The following IKBIP variants were observed in gnomAD, a reference collection of about 807,000 sequenced individuals.
The protein encoded by IKBIP is IKBKB interacting protein, also known as inhibitor of nuclear factor kappa-B kinase-interacting protein.
Under a neutral mutation model 31.0 loss-of-function variants are expected in IKBIP, and 28 were observed. The observed-to-expected ratio is 0.90, with a 90% CI of 0.67 to 1.24. The LOEUF is 1.24. Ranked by LOEUF, IKBIP falls within the 50% of genes most tolerant of loss-of-function variation. The pLI is 0.00. For synonymous variants in IKBIP, 164 were observed against 160.3 expected, an observed-to-expected ratio of 1.02 and a Z score of -0.17; for missense variants, 453 against 441.9, an observed-to-expected ratio of 1.03 and a Z score of -0.23.
chr12:98,617,586 G>A lies in IKBIP; in HGVS notation c.298-3246C>T, dbSNP rs528469943. Among the ~76,000 whole-genome samples, 15 of 152,262 alleles carry A rather than the reference G, an allele frequency of 9.9e-5. No individual in the cohort carries two copies. In the South Asian group the frequency reaches 2.5e-3, roughly 25 times the overall value. ...AATGAAGAAGGGAAAATTACATAGC[G>A]ATAAGATGGGTAGATCTCATAAACC... On this transcript the variant is annotated intron_variant, in intron 2 of 2. Coordinates refer to the IKBIP transcript ENST00000342502.
Position 98,625,098 on chromosome 12 carries a change from C to A in IKBIP, c.*832G>T, listed in dbSNP as rs879269361. The A allele has an allele frequency of 2.0e-4, 197 of 983,530 alleles. No homozygotes were observed. The Middle Eastern group carries it at 3.1e-3, about 15-fold the overall frequency. The allele number at this position is 983,530 out of a possible 1,614,324, so 60.9% of individuals were successfully genotyped here. The stretch of plus-strand genomic sequence containing the variant: ...GGATTACAGGTGTGAGCCACTGCGC[C>A]TGGCCTATTTAAGTAAACCATCTAG... On this transcript the variant is annotated 3_prime_UTR_variant, in exon 3 of 3. Coordinates refer to ENST00000299157, the MANE Select transcript of IKBIP (RefSeq NM_153687.4).
At chr12:98,641,359 G>A (rs1366615735) in intron 1 of IKBIP, among the ~76,000 whole-genome samples, 1 of 152,128 alleles carries the variant, frequency 6.6e-6, no homozygotes, top group Non-Finnish European at 1.5e-5. Flanking sequence ...TTGATAGACC[G>A]ACTTTTAGAT....
intron 2 of IKBIP, among the ~76,000 whole-genome samples, chr12:98,628,005 C>T (rs1183168765): frequency 6.6e-6 from 1 of 152,224 alleles, no homozygotes; most frequent in Non-Finnish European, 1.5e-5. Flanking sequence ...ACCTCCTAAT[C>T]TGTATCTGGA....
At chr12:98,616,507 A>G (rs534033398) in intron 2 of IKBIP, among the ~76,000 whole-genome samples, 23 of 152,080 alleles carry the variant, frequency 1.5e-4, no homozygotes, top group African/African-American at 4.8e-4. Flanking sequence ...ATATTTATCT[A>G]TTTTTGCTTT....
At chr12:98,639,813 C>T (rs1357428288) in intron 1 of IKBIP, among the ~76,000 whole-genome samples, 1 of 152,200 alleles carries the variant, frequency 6.6e-6, no homozygotes, top group Non-Finnish European at 1.5e-5. Flanking sequence ...AAAGAAGTTC[C>T]AGGGCCACTA....
At position 98,613,574 on chromosome 12, in the gene IKBIP, A is replaced by G. The variant is rs758238958; in HGVS notation, c.*11T>C. On this transcript the variant is annotated 3_prime_UTR_variant, in exon 3 of 3. Transcript: ENST00000342502. ...AAAAAATTACCTTAGTCTAATCTCAATAATGTCAAACTAATTCATATCTGA... is the reference window on the plus strand; with the variant it reads ...AAAAAATTACCTTAGTCTAATCTCAGTAATGTCAAACTAATTCATATCTGA... The G allele has an allele frequency of 5.0e-6, 7 of 1,392,058 alleles. No individual in the cohort carries two copies. The East Asian group carries it at 7.0e-5, about 14-fold the overall frequency. 86.2% of individuals were successfully genotyped at this position (1,392,058 alleles called of 1,614,324 possible).
At chr12:98,642,109 T>A (rs1442054628) in intron 1 of IKBIP, among the ~76,000 whole-genome samples, 1 of 152,214 alleles carries the variant, frequency 6.6e-6, no homozygotes, top group African/African-American at 2.4e-5. Flanking sequence ...CCCATAAAGT[T>A]TAGTTTTCTA....
intron 2 of IKBIP, among the ~76,000 whole-genome samples, chr12:98,615,002 G>C (rs1053862089): frequency 1.3e-5 from 2 of 152,190 alleles, no homozygotes; most frequent in African/African-American, 4.8e-5. Context: ...GTTTCCTCCA[G>C]TTGAGCTTTG....
rs1270627432 is a variant in IKBIP at position 98,626,295 on chromosome 12, TAGTC to T, written c.765_768del (p.Thr256IlefsTer34). On this transcript the variant is annotated frameshift_variant, in exon 3 of 3. Coordinates refer to ENST00000299157, the MANE Select transcript of IKBIP (RefSeq NM_153687.4). LOFTEE classifies it high-confidence loss of function. ...TTGGGTTCGTAGTCGGAAAGTTTAT[TAGTC>T]AGATCTTCATCTCTGGCAAAGAGGG... 6.2e-7 allele frequency: 1 copy of T among 1,614,192 alleles called. No individual in the cohort carries two copies. The highest frequency in any genetic ancestry group is 1.7e-5 in the Admixed American group (1 of 60,024).
At chr12:98,618,016 A>T (rs544991701) in intron 2 of IKBIP, among the ~76,000 whole-genome samples, 6 of 152,128 alleles carry the variant, frequency 3.9e-5, no homozygotes, top group Non-Finnish European at 8.8e-5. Context: ...GGGAGTTTGT[A>T]GTTTAGTTTG....
chr12:98,618,827 T>C (rs2097607936), intron 2 of IKBIP, among the ~76,000 whole-genome samples: 1 of 152,212 alleles, frequency 6.6e-6, no homozygotes. Flanking sequence ...ATCATACATT[T>C]AGTTTTACTT....
chr12:98,626,093 G>A lies in IKBIP; in HGVS notation c.971C>T (p.Thr324Ile). Residue 324 changes from threonine (T) to isoleucine (I), a missense_variant, in exon 3 of 3, where the codon ACC becomes ATC. Thr to Ile is a moderately conservative substitution (Grantham distance 89). Transcript: ENST00000299157. ...ATTATCATACTGAATTCCTTCAAGG[G>A]TTTTCTGCATCTCCATTATTTCAGA... ...AVSEIMEMQK[T>I]LEGIQYDNSI... is the part of the protein sequence containing the mutation. 1 of 1,601,520 alleles carries A rather than the reference G, an allele frequency of 6.2e-7. No homozygotes were observed. Among genetic ancestry groups the A allele is most frequent in the Non-Finnish European group, 8.5e-7 (1 of 1,172,916 alleles).
In IKBIP at chr12:98,613,730, A is replaced by C. The variant is rs767054577; in HGVS notation, c.908T>G (p.Leu303Arg). 7 of 1,612,748 alleles carry C rather than the reference A, an allele frequency of 4.3e-6. No homozygotes were observed. The East Asian group carries it at 8.9e-5, about 21-fold the overall frequency. ...GTCGGTAACCAATCTCCCAATGCGTAGTGTTAAATCATTTACTAATGGTTC... is the reference window on the plus strand; with the variant it reads ...GTCGGTAACCAATCTCCCAATGCGTCGTGTTAAATCATTTACTAATGGTTC... Residue 303 changes from leucine to arginine, a missense_variant, in exon 3 of 3, where the codon CTA becomes CGA. Physicochemically the swap from Leu to Arg is moderately radical, Grantham distance 102 (BLOSUM62 -2). Coordinates refer to the IKBIP transcript ENST00000342502.
chr12:98,623,388 C>T (rs1345954732), downstream of IKBIP, among the ~76,000 whole-genome samples: 3 of 150,450 alleles, frequency 2.0e-5, no homozygotes, highest in Non-Finnish European at 1.5e-5. Flanking sequence ...CCTCCTGCGT[C>T]GCTAGGACTA....
At chr12:98,619,957 T>G (rs1232041152), downstream of IKBIP, among the ~76,000 whole-genome samples, 1 of 150,986 alleles carries the variant, frequency 6.6e-6, no homozygotes, top group Non-Finnish European at 1.5e-5. Flanking sequence ...CTCACTCTAT[T>G]GCCCAGGCTG....
rs2097614834 is a variant in IKBIP at position 98,626,694 on chromosome 12, C to T, written c.370G>A (p.Val124Ile). 4 of 1,613,930 alleles carry T rather than the reference C, an allele frequency of 2.5e-6. No homozygotes were observed. The highest frequency in any genetic ancestry group is 3.4e-6 in the Non-Finnish European group (4 of 1,180,004). ...MSLMTQFEQE[V>I]SNLQDIMHDI... ...TGCATGATATCTTGGAGGTTGGATA[C>T]TTCCTGCTCAAACTGGGTCATCAAA... The change falls in exon 3 of 3, where the codon GTA becomes ATA. Residue 124 changes from valine to isoleucine, a missense_variant. Coordinates refer to ENST00000299157, the MANE Select transcript of IKBIP (RefSeq NM_153687.4).
chr12:98,619,807 G>T (rs2153294601), downstream of IKBIP, among the ~76,000 whole-genome samples: 1 of 149,356 alleles, frequency 6.7e-6, no homozygotes, highest in African/African-American at 2.5e-5. Flanking sequence ...GGGAGGCAGA[G>T]GTTGCAGTGA....
intron 2 of IKBIP, among the ~76,000 whole-genome samples, chr12:98,627,050 C>T (rs568592642): frequency 6.6e-6 from 1 of 152,080 alleles, no homozygotes; most frequent in South Asian, 2.1e-4. Flanking sequence ...CTCACTGCAA[C>T]CTCCGCCTCC....
chr12:98,638,769 A>T (rs1283500102), intron 1 of IKBIP, among the ~76,000 whole-genome samples: 1 of 151,976 alleles, frequency 6.6e-6, no homozygotes, highest in Non-Finnish European at 1.5e-5. Context: ...AAAATTCTGT[A>T]GAGAGGAGAT....
Sources: gnomAD v4.1 joint callset for allele counts (sites outside exome capture counted in the v4.1 genomes callset) on GRCh38, gnomAD v4.1.1 for gene constraint, MANE v1.5 for transcripts, NCBI Gene and HGNC (gene_info 2026-07-23, HGNC 2026-07-21) for gene names.